Variants in ARHGAP26 observed in about 807,000 individuals in gnomAD.
ARHGAP26 encodes rho GTPase-activating protein 26.
ARHGAP26 carries 38 observed loss-of-function variants against 104.8 expected under a neutral mutation model. The ratio of observed to expected loss-of-function variants is 0.36; its 90% CI spans 0.28 to 0.48. The LOEUF (loss-of-function observed/expected upper bound fraction) is 0.48. Ranked by LOEUF, ARHGAP26 falls within the 20% of genes least tolerant of loss-of-function variation. ARHGAP26 has a pLI of 0.99. For missense variants in ARHGAP26, 704 were observed against 947.9 expected, an observed-to-expected ratio of 0.74 and a Z score of 3.38; for synonymous variants, 341 against 340.0, an observed-to-expected ratio of 1.00 and a Z score of -0.03.
At chr5:143,093,496 ATCTCTC>A (rs150564234) in intron 17 of ARHGAP26, among the ~76,000 whole-genome samples, 2 of 151,380 alleles carry the variant, frequency 1.3e-5, no homozygotes, top group East Asian at 3.9e-4. Context: ...TACTATTTCT[ATCTCTC>A]TCTCTTTCTT....
At chr5:143,068,342 C>G (rs1787804070) in intron 17 of ARHGAP26, among the ~76,000 whole-genome samples, 2 of 152,190 alleles carry the variant, frequency 1.3e-5, no homozygotes, top group South Asian at 4.1e-4. Flanking sequence ...ATGATCATCT[C>G]AGATGTTGCT....
chr5:143,102,676 G>A (rs927829782), intron 17 of ARHGAP26, among the ~76,000 whole-genome samples: 1 of 152,216 alleles, frequency 6.6e-6, no homozygotes, highest in Non-Finnish European at 1.5e-5. Flanking sequence ...AATACCAGAG[G>A]AGAAAGCTTG....
At chr5:143,107,688 A>T (rs1341226022) in intron 17 of ARHGAP26, among the ~76,000 whole-genome samples, 1 of 152,180 alleles carries the variant, frequency 6.6e-6, no homozygotes, top group Admixed American at 6.5e-5. Context: ...TGTTGGGTGG[A>T]TCAGGGACCC....
intron 3 of ARHGAP26, among the ~76,000 whole-genome samples, chr5:142,875,935 G>A (rs1756018974): frequency 6.6e-6 from 1 of 152,142 alleles, no homozygotes; most frequent in South Asian, 2.1e-4. Flanking sequence ...TAGAGATGAG[G>A]TCTTGCTGTG....
At chr5:143,027,787 T>C (rs1031531276) in intron 12 of ARHGAP26, among the ~76,000 whole-genome samples, 2 of 152,200 alleles carry the variant, frequency 1.3e-5, no homozygotes, top group African/African-American at 4.8e-5. Context: ...TTGACTAAAT[T>C]AAGTCATTTT....
chr5:143,089,374 C>A (rs1334115702), intron 17 of ARHGAP26, among the ~76,000 whole-genome samples: 1 of 152,186 alleles, frequency 6.6e-6, no homozygotes, highest in African/African-American at 2.4e-5. Flanking sequence ...GGCTATTATT[C>A]TTTTCCATTT....
At chr5:143,095,780 C>G (rs982703289) in intron 17 of ARHGAP26, among the ~76,000 whole-genome samples, 3 of 152,134 alleles carry the variant, frequency 2.0e-5, no homozygotes, top group Admixed American at 6.5e-5. Flanking sequence ...ACCATGTTGG[C>G]CAGGCTGTCT....
intron 17 of ARHGAP26, among the ~76,000 whole-genome samples, chr5:143,094,836 G>T (rs1000776088): frequency 6.6e-6 from 1 of 152,128 alleles, no homozygotes; most frequent in African/African-American, 2.4e-5. Context: ...GAGTCAGGGT[G>T]GAGCAGGTAA....
intron 1 of ARHGAP26, among the ~76,000 whole-genome samples, chr5:142,830,278 A>G (rs1009985350): frequency 2.0e-5 from 3 of 152,210 alleles, no homozygotes; most frequent in East Asian, 1.9e-4. Context: ...GCTCATTACT[A>G]TCAAGTATGG....
chr5:142,842,143 TTGGGAAATTTAA>T (rs1770937257), intron 1 of ARHGAP26, among the ~76,000 whole-genome samples: 2 of 152,208 alleles, frequency 1.3e-5, no homozygotes, highest in South Asian at 4.1e-4. Flanking sequence ...ATGATTCGCT[TTGGGAAATTTAA>T]TGGAGAACAC....
chr5:143,055,163 G>T (rs116258002), intron 15 of ARHGAP26, among the ~76,000 whole-genome samples: 510 of 152,284 alleles, frequency 3.3e-3, no homozygotes, highest in Non-Finnish European at 5.4e-3. Context: ...TGAAGGACAG[G>T]AATACCATAG....
chr5:142,771,217 C>A, intron 1 of ARHGAP26: 1 of 1,268,466 alleles, frequency 7.9e-7, no homozygotes, highest in Non-Finnish European at 9.9e-7. Flanking sequence ...GGTGTCCCAG[C>A]AGTGGGGCCA....
At chr5:143,003,847 C>T (rs1017620515) in intron 11 of ARHGAP26, among the ~76,000 whole-genome samples, 2 of 151,978 alleles carry the variant, frequency 1.3e-5, no homozygotes, top group African/African-American at 2.4e-5. Flanking sequence ...TATCTAAGGG[C>T]GCATAGTTCA....
Position 142,786,954 on chromosome 5 carries a change from A to G in ARHGAP26, c.154+16039A>G, listed in dbSNP as rs1319765697. Among the ~76,000 whole-genome samples the G allele has an allele frequency of 9.2e-5, 14 of 152,108 alleles. No homozygotes were observed. The East Asian group carries it at 2.5e-3, about 27-fold the overall frequency. ...GCCACTGCGTCCGGCTTGGATTTCT[A>G]TAATTATAGCTAAAATGACTCTCAG... On this transcript the variant is annotated intron_variant, in intron 1 of 22. Transcript: ENST00000645722.
In ARHGAP26 at chr5:142,913,203, A is replaced by G. The variant is rs776541274; in HGVS notation, c.938A>G (p.Glu313Gly). The change falls in exon 10 of 23, where the codon GAA becomes GGA. Residue 313 changes from glutamate (E) to glycine (G), a missense_variant. Glu to Gly is a moderately conservative substitution (Grantham distance 98). Coordinates refer to ENST00000645722, the MANE Select transcript of ARHGAP26 (RefSeq NM_001135608.3). ...FDQKSGGKGG[E>G]DESVILKSCT... is the part of the protein sequence containing the mutation. ...TAGTCTGTGTGTTCCCACTAGGGAG[A>G]AGATGAATCAGTTATCCTCAAATCC... 1 of 1,614,022 alleles carries G rather than the reference A, an allele frequency of 6.2e-7. No homozygotes were observed. The highest frequency in any genetic ancestry group is 1.1e-5 in the South Asian group (1 of 91,066).
intron 20 of ARHGAP26, among the ~76,000 whole-genome samples, chr5:143,166,438 CCA>C (rs1434768883): frequency 6.6e-6 from 1 of 152,070 alleles, no homozygotes; most frequent in Non-Finnish European, 1.5e-5. Context: ...TCTTTTGGCT[CCA>C]CATGACCACC....
chr5:142,799,290 A>G (rs75554783), intron 1 of ARHGAP26, among the ~76,000 whole-genome samples: 2,236 of 152,208 alleles, frequency 0.015, 57 homozygotes, highest in African/African-American at 0.052. Context: ...AACTCAGACT[A>G]TAAGATCCCC....
At chr5:143,219,492 C>T (rs1810856941) in intron 22 of ARHGAP26, among the ~76,000 whole-genome samples, 2 of 152,108 alleles carry the variant, frequency 1.3e-5, no homozygotes, top group African/African-American at 4.8e-5. Flanking sequence ...ATAAATAGGA[C>T]CCATGAATAC....
At chr5:142,912,553 A>G (rs2152482531) in intron 9 of ARHGAP26, among the ~76,000 whole-genome samples, 1 of 152,326 alleles carries the variant, frequency 6.6e-6, no homozygotes. Context: ...TACAGCTTAT[A>G]CCTTAATCAT....
Sources: allele counts gnomAD v4.1 joint callset (sites outside exome capture counted in the v4.1 genomes callset), GRCh38; gene constraint gnomAD v4.1.1; transcripts MANE v1.5; gene names NCBI Gene and HGNC (gene_info 2026-07-23, HGNC 2026-07-21).